Variants in PCBP4 observed in about 807,000 individuals in gnomAD.
The protein encoded by PCBP4 is poly(rC) binding protein 4, also known as poly(rC)-binding protein 4.
In PCBP4, 24 loss-of-function variants were observed where a neutral mutation model predicts 46.2. The observed-to-expected ratio is 0.52, with a 90% CI of 0.38 to 0.73. The LOEUF is 0.73. Among genes scored for constraint, PCBP4 ranks in the 30% least tolerant of loss-of-function variants. The pLI is 0.00. For missense variants in PCBP4, 407 were observed against 537.0 expected, an observed-to-expected ratio of 0.76 and a Z score of 2.39; for synonymous variants, 203 against 224.4, an observed-to-expected ratio of 0.90 and a Z score of 0.85.
At chr3:51,962,596 G>A (rs568035392) in intron 1 of PCBP4, among the ~76,000 whole-genome samples, 3 of 152,240 alleles carry the variant, frequency 2.0e-5, no homozygotes, top group South Asian at 2.1e-4. Flanking sequence ...TGCTGAGCTT[G>A]GAACACTCCA....
At position 51,958,338 on chromosome 3, in the gene PCBP4, G is replaced by A; in HGVS notation, c.935C>T (p.Ala312Val). The A allele has an allele frequency of 1.3e-6, 2 of 1,506,176 alleles. No individual in the cohort carries two copies. The highest frequency in any genetic ancestry group is 2.8e-5 in the African/African-American group (2 of 71,442). 93.3% of individuals were successfully genotyped at this position (1,506,176 alleles called of 1,614,324 possible). ...QYLITACLET[A>V]KSTSGGTPSS... is the part of the protein sequence containing the mutation. ...GGGCGTCCCCCCAGAGGTAGACTTGGCCGTCTCTAGACTGGAGAGAGGGAT... is the reference window on the plus strand; with the variant it reads ...GGGCGTCCCCCCAGAGGTAGACTTGACCGTCTCTAGACTGGAGAGAGGGAT... Residue 312 changes from alanine to valine, a missense_variant, in exon 14 of 14, where the codon GCC becomes GTC. Coordinates refer to ENST00000461554, the MANE Select transcript of PCBP4 (RefSeq NM_001174100.2). The surrounding 1 kb of genome is among the most constrained non-coding windows in gnomAD (Gnocchi z 5.4).
Position 51,959,670 on chromosome 3 carries a change from GCT to G in PCBP4, c.517-21_517-20del. Reference sequence around the variant, plus strand: ...GTGGGGACTGGAAGGCATAAACAGGGCTCTGTCAGGACCCTCTCAGGCTCCGA... The same window carrying G: ...GTGGGGACTGGAAGGCATAAACAGGGCTGTCAGGACCCTCTCAGGCTCCGA... On this transcript the variant is annotated intron_variant, in intron 8 of 13. Coordinates refer to ENST00000461554, the MANE Select transcript of PCBP4 (RefSeq NM_001174100.2). This position sits in a 1 kb window ranked among gnomAD's most constrained non-coding sequence, Gnocchi z 5.6. The G allele has an allele frequency of 6.5e-7, 1 of 1,548,472 alleles. No homozygotes were observed. The highest frequency in any genetic ancestry group is 8.7e-7 in the Non-Finnish European group (1 of 1,144,070).
In PCBP4 at chr3:51,959,096, A is replaced by G. The variant is rs1185928055; in HGVS notation, c.704T>C (p.Leu235Pro). 4 of 1,613,726 alleles carry G rather than the reference A, an allele frequency of 2.5e-6. No homozygotes were observed. The highest frequency in any genetic ancestry group is 3.4e-6 in the Non-Finnish European group (4 of 1,179,936). Residue 235 changes from leucine to proline, a missense_variant, in exon 12 of 14, where the codon CTG becomes CCG. Leu to Pro is a moderately conservative substitution (Grantham distance 98, BLOSUM62 -3). Transcript: ENST00000461554. The surrounding 1 kb of genome is among the most constrained non-coding windows in gnomAD (Gnocchi z 5.6). ...PFATPSVVPG[L>P]DPGTQTSSQE... is the part of the protein sequence containing the mutation. ...TGAGCTGGTCTGTGTGCCGGGATCC[A>G]GTCCTGAGGGGGAGAAGAGGGACTG...
Position 51,959,261 on chromosome 3 carries a change from G to A in PCBP4, c.668C>T (p.Ala223Val), listed in dbSNP as rs780942022. Reference protein sequence around the residue: ...VTKLQQLSSHAVPFATPSVVP... With the variant: ...VTKLQQLSSHVVPFATPSVVP... ...CACGCTGGGTGTGGCAAAGGGGACC[G>A]CATGGCTTGAGAGCTGCTGGAGCTT... Residue 223 changes from alanine (A) to valine (V), a missense_variant, in exon 11 of 14, where the codon GCG becomes GTG. Coordinates refer to ENST00000461554, the MANE Select transcript of PCBP4 (RefSeq NM_001174100.2). This position sits in a 1 kb window ranked among gnomAD's most constrained non-coding sequence, Gnocchi z 5.6. 2.0e-5 allele frequency: 33 copies of A among 1,613,846 alleles called. No homozygotes were observed. In the South Asian group the frequency reaches 2.2e-4, roughly 11 times the overall value.
At position 51,959,744 on chromosome 3, in the gene PCBP4, C is replaced by A. The variant is rs967966486; in HGVS notation, c.517-93G>T. On this transcript the variant is annotated intron_variant, in intron 8 of 13. Transcript: ENST00000461554. This position sits in a 1 kb window ranked among gnomAD's most constrained non-coding sequence, Gnocchi z 5.6. ...GGCCTCAGGCCCCCACCATGACCCC[C>A]AGGGAAATGCACATGATCCCTGGAG... 3 of 1,460,458 alleles carry A rather than the reference C, an allele frequency of 2.1e-6. No individual in the cohort carries two copies. The African/African-American group carries it at 4.2e-5, about 21-fold the overall frequency. 90.5% of individuals were successfully genotyped at this position (1,460,458 alleles called of 1,614,324 possible).
rs768279378 is a variant in PCBP4, at chr3:51,960,194, G to A, written c.382C>T (p.Arg128Ter). 1.9e-6 allele frequency: 3 copies of A among 1,614,090 alleles called. No individual in the cohort carries two copies. Among genetic ancestry groups the A allele is most frequent in the Non-Finnish European group, 2.5e-6 (3 of 1,180,032 alleles). ...TGGTATATCTCGCCCCTCACCTCTC[G>A]GATCTCCTTGATCTTGGTGCCAGCC... ...GKAGTKIKEIRETTGAQVQVA... is the reference protein window; with the variant it reads ...GKAGTKIKEI Residue 128 changes from arginine (R) to a stop codon, truncating the protein, a stop_gained, in exon 7 of 14, where the codon CGA becomes TGA. Transcript: ENST00000461554. LOFTEE classifies it high-confidence loss of function. The surrounding 1 kb of genome is among the most constrained non-coding windows in gnomAD (Gnocchi z 5.0).
Position 51,958,777 on chromosome 3 carries a change from A to T in PCBP4, c.923+13T>A. 1 of 1,606,502 alleles carries T rather than the reference A, an allele frequency of 6.2e-7. No individual in the cohort carries two copies. Among genetic ancestry groups the T allele is most frequent in the Non-Finnish European group, 8.5e-7 (1 of 1,175,214 alleles). ...GTGACCTGCTCCCCCACTGCCGCCC[A>T]GCCCGCGCTCACCAGGCAGTGATGA... On this transcript the variant is annotated intron_variant, in intron 13 of 13. Coordinates refer to ENST00000461554, the MANE Select transcript of PCBP4 (RefSeq NM_001174100.2). This position sits in a 1 kb window ranked among gnomAD's most constrained non-coding sequence, Gnocchi z 5.4.
rs1577678348 is a variant in PCBP4 at position 51,959,781 on chromosome 3, TC to T, written c.516+113del. 2 of 1,499,712 alleles carry T rather than the reference TC, an allele frequency of 1.3e-6. No homozygotes were observed. The highest frequency in any genetic ancestry group is 1.8e-6 in the Non-Finnish European group (2 of 1,103,342). 92.9% of individuals were successfully genotyped at this position (1,499,712 alleles called of 1,614,324 possible). A position where few individuals can be genotyped will look rare whatever the true frequency, so the allele number is the denominator to read the frequency against. On this transcript the variant is annotated intron_variant, in intron 8 of 13. Transcript: ENST00000461554. This position sits in a 1 kb window ranked among gnomAD's most constrained non-coding sequence, Gnocchi z 5.6. The stretch of plus-strand genomic sequence containing the variant: ...CATGATCCCTGGAGCTCATCATCCA[TC>T]CCTGCAGCCCTGCCCTGCCCCACCT...
rs1298730941 is a variant in PCBP4, at chr3:51,957,931, G to C, written c.*130C>G. ...ACTCCCATAGATGGAGGCAGGGTAGGGGGTGCATCCATGCGTCTGGGCGTT... is the reference window on the plus strand; with the variant it reads ...ACTCCCATAGATGGAGGCAGGGTAGCGGGTGCATCCATGCGTCTGGGCGTT... On this transcript the variant is annotated 3_prime_UTR_variant, in exon 14 of 14. Transcript: ENST00000461554. The C allele has an allele frequency of 1.2e-6, 1 of 807,474 alleles. No individual in the cohort carries two copies. The highest frequency in any genetic ancestry group is 1.9e-6 in the Non-Finnish European group (1 of 514,214). 50.0% of individuals were successfully genotyped at this position (807,474 alleles called of 1,614,324 possible). A position where few individuals can be genotyped will look rare whatever the true frequency, so the allele number is the denominator to read the frequency against.
At chr3:51,961,856 C>G in intron 2 of PCBP4, 85 bp downstream of exon 2, 1 of 636,920 alleles carries the variant, frequency 1.6e-6, no homozygotes, top group Non-Finnish European at 2.0e-6. Flanking sequence ...GGCAGGGAGG[C>G]CTCGGGTGTG....
Position 51,960,927 on chromosome 3 carries a change from T to C in PCBP4, c.106-29A>G, listed in dbSNP as rs1234334149. On this transcript the variant is annotated intron_variant, in intron 4 of 13. Transcript: ENST00000461554. This position sits in a 1 kb window ranked among gnomAD's most constrained non-coding sequence, Gnocchi z 5.0. ...TGGGAGGTACAAAACAGATAATCAC[T>C]CTTAACTTAGAGGTCACAGCCTCCT... 3.1e-6 allele frequency: 5 copies of C among 1,613,958 alleles called. No individual in the cohort carries two copies. The highest frequency in any genetic ancestry group is 1.1e-5 in the South Asian group (1 of 91,086).
chr3:51,960,743 A>G lies in PCBP4; in HGVS notation c.139-101T>C. ...CTCACCAGGCCTGAGGCAAGGCTCA[A>G]AACTGCCACCCTCTGGGGGACTCAC... On this transcript the variant is annotated intron_variant, in intron 5 of 13. Coordinates refer to ENST00000461554, the MANE Select transcript of PCBP4 (RefSeq NM_001174100.2). This position sits in a 1 kb window ranked among gnomAD's most constrained non-coding sequence, Gnocchi z 5.0. 1 of 1,473,574 alleles carries G rather than the reference A, an allele frequency of 6.8e-7. No individual in the cohort carries two copies. 91.3% of individuals were successfully genotyped at this position (1,473,574 alleles called of 1,614,324 possible).
At position 51,960,235 on chromosome 3, in the gene PCBP4, C is replaced by A; in HGVS notation, c.341G>T (p.Gly114Val). 6.2e-7 allele frequency: 1 copy of A among 1,614,122 alleles called. No individual in the cohort carries two copies. Among genetic ancestry groups the A allele is most frequent in the Non-Finnish European group, 8.5e-7 (1 of 1,180,002 alleles). The change falls in exon 7 of 14, where the codon GGC becomes GTC. Residue 114 changes from glycine to valine, a missense_variant. By Grantham distance (109) the Gly-to-Val change is moderately radical (BLOSUM62 -3). Transcript: ENST00000461554. This position sits in a 1 kb window ranked among gnomAD's most constrained non-coding sequence, Gnocchi z 5.0. ...GGTGCCAGCCTTCCCAATCAGTGAG[C>A]CACACTGACTGGCAGGGATGACAAG... ...LRLVIPASQC[G>V]SLIGKAGTKI...
rs1699904061 is a variant in PCBP4 at position 51,958,034 on chromosome 3, C to T, written c.*27G>A. On this transcript the variant is annotated 3_prime_UTR_variant, in exon 14 of 14. Coordinates refer to ENST00000461554, the MANE Select transcript of PCBP4 (RefSeq NM_001174100.2). The surrounding 1 kb of genome is among the most constrained non-coding windows in gnomAD (Gnocchi z 5.4). The stretch of plus-strand genomic sequence containing the variant: ...GGCAGCCCCCTGCTGGTGGTCCTGC[C>T]TGCCCCTGCCTGTACCTCAGCTGGC... 2.6e-6 allele frequency: 4 copies of T among 1,512,330 alleles called. No individual in the cohort carries two copies. The highest frequency in any genetic ancestry group is 3.5e-6 in the Non-Finnish European group (4 of 1,132,524). 93.7% of individuals were successfully genotyped at this position (1,512,330 alleles called of 1,614,324 possible).
Position 51,958,233 on chromosome 3 carries a change from C to A in PCBP4, c.1040G>T (p.Gly347Val). The stretch of plus-strand genomic sequence containing the variant: ...GGAGAGGGAGATGGCATAGGGTGTG[C>A]CCAGCAGGCCAGGGGGAGCTGTGGG... ...ALPTAPPGLLGTPYAISLSNF... is the reference protein window; with the variant it reads ...ALPTAPPGLLVTPYAISLSNF... The change falls in exon 14 of 14, where the codon GGC becomes GTC. Residue 347 changes from glycine to valine, a missense_variant. Gly to Val is a moderately radical substitution (Grantham distance 109, BLOSUM62 -3). Transcript: ENST00000461554. The surrounding 1 kb of genome is among the most constrained non-coding windows in gnomAD (Gnocchi z 5.4). The A allele has an allele frequency of 6.2e-7, 1 of 1,608,614 alleles. No individual in the cohort carries two copies. The highest frequency in any genetic ancestry group is 8.5e-7 in the Non-Finnish European group (1 of 1,177,526).
rs1700011519 is a variant in PCBP4 at position 51,959,180 on chromosome 3, C to T, written c.700+49G>A. On this transcript the variant is annotated intron_variant, in intron 11 of 13. Transcript: ENST00000461554. This position sits in a 1 kb window ranked among gnomAD's most constrained non-coding sequence, Gnocchi z 5.6. ...TCCACTCTCCCTGGAAGGGAGGGGGCTGCCCTCTTAGGACCCTCCCCCTGC... is the reference window on the plus strand; with the variant it reads ...TCCACTCTCCCTGGAAGGGAGGGGGTTGCCCTCTTAGGACCCTCCCCCTGC... 6.2e-6 allele frequency: 10 copies of T among 1,611,510 alleles called. No individual in the cohort carries two copies. The highest frequency in any genetic ancestry group is 6.8e-6 in the Non-Finnish European group (8 of 1,177,862).
In PCBP4 at chr3:51,959,426, TG is replaced by T; in HGVS notation, c.592-16del. The T allele has an allele frequency of 6.3e-7, 1 of 1,598,906 alleles. No individual in the cohort carries two copies. The highest frequency in any genetic ancestry group is 1.1e-5 in the South Asian group (1 of 88,870). ...ACAGAGAAGCCCTGTGGGGACAAAG[TG>T]GATGAAAAGGGGGTTACTGTGACAT... is the stretch of plus-strand genomic sequence containing the variant. On this transcript the variant is annotated splice_polypyrimidine_tract_variant and intron_variant, in intron 9 of 13. Coordinates refer to ENST00000461554, the MANE Select transcript of PCBP4 (RefSeq NM_001174100.2). This position sits in a 1 kb window ranked among gnomAD's most constrained non-coding sequence, Gnocchi z 5.6.
chr3:51,963,675 C>T (rs1010202996), intron 1 of PCBP4, among the ~76,000 whole-genome samples: 7 of 152,220 alleles, frequency 4.6e-5, no homozygotes, highest in African/African-American at 1.4e-4. Context: ...AGACCCACCG[C>T]CCCAAGTCCA....
At chr3:51,967,235 CCCAA>C (rs1273385466) in intron 1 of PCBP4, 87 bp downstream of exon 1, 1 of 152,176 alleles carries the variant, frequency 6.6e-6, no homozygotes, top group Admixed American at 6.5e-5. Context: ...AACCTGCGAC[CCCAA>C]CCGAGGGATC....
Sources: gnomAD v4.1 joint callset for allele counts (sites outside exome capture counted in the v4.1 genomes callset) on GRCh38, gnomAD v4.1.1 for gene constraint, Gnocchi (gnomAD v3.1) non-coding constraint, MANE v1.5 for transcripts, NCBI Gene and HGNC (gene_info 2026-07-23, HGNC 2026-07-21) for gene names.